The following UNC5D variants were observed in gnomAD, a reference collection of about 807,000 sequenced individuals.
The protein encoded by UNC5D is unc-5 netrin receptor D, also known as netrin receptor UNC5D.
In UNC5D, 39 loss-of-function variants were observed where a neutral mutation model predicts 105.4. That is an observed-to-expected ratio of 0.37 (90% CI 0.29 to 0.48). The LOEUF is 0.48. UNC5D is among the 20% of genes least tolerant of loss of function. The probability of loss-of-function intolerance (pLI) is 0.98; values close to 1 mark genes in which losing one functional copy is unlikely to be tolerated. For missense variants in UNC5D, 991 were observed against 1,202.4 expected (o/e 0.82, Z 2.60); for synonymous variants, 452 against 450.4 (o/e 1.00, Z -0.04).
intron 13 of UNC5D, 54 bp from the exon 14 acceptor site, chr8:35,759,266 G>A (rs1210905751): frequency 6.3e-7 from 1 of 1,588,446 alleles, no homozygotes; most frequent in Non-Finnish European, 8.6e-7. Flanking sequence ...TAGGAAATAT[G>A]TAAGTAGCAG....
intron 11 of UNC5D, among the ~76,000 whole-genome samples, chr8:35,733,687 T>C (rs1829313023): frequency 1.3e-5 from 2 of 152,158 alleles, no homozygotes; most frequent in African/African-American, 4.8e-5. Flanking sequence ...TGACTATACA[T>C]TTATGTTGCC....
At chr8:35,269,965 A>G (rs149824538) in intron 1 of UNC5D, among the ~76,000 whole-genome samples, 2 of 152,150 alleles carry the variant, frequency 1.3e-5, no homozygotes, top group Admixed American at 6.5e-5. Flanking sequence ...AGTATGAGAG[A>G]TCTTTAGTGG....
chr8:35,423,858 T>G (rs1323925415), intron 1 of UNC5D, among the ~76,000 whole-genome samples: 1 of 151,788 alleles, frequency 6.6e-6, no homozygotes, highest in Non-Finnish European at 1.5e-5. Flanking sequence ...AGTACTTTTT[T>G]TTTTTTTTTT....
chr8:35,721,506 G>A (rs918209733), intron 8 of UNC5D: 17 of 702,726 alleles, frequency 2.4e-5, no homozygotes, highest in African/African-American at 1.0e-4. Context: ...CTAGCAACCC[G>A]TCCTCTTCCA....
At chr8:35,650,303 C>T (rs1025482424) in intron 4 of UNC5D, among the ~76,000 whole-genome samples, 3 of 152,182 alleles carry the variant, frequency 2.0e-5, no homozygotes. Context: ...ATTCTTATTT[C>T]TTCCTCTCTG....
intron 1 of UNC5D, among the ~76,000 whole-genome samples, chr8:35,436,514 C>A (rs551493479): frequency 6.6e-6 from 1 of 152,126 alleles, no homozygotes; most frequent in South Asian, 2.1e-4. Flanking sequence ...CACTCAAAAA[C>A]TGCTCTTGAG....
chr8:35,484,748 G>C (rs1416619942), intron 1 of UNC5D, among the ~76,000 whole-genome samples: 1 of 152,118 alleles, frequency 6.6e-6, no homozygotes, highest in Non-Finnish European at 1.5e-5. Context: ...AAAATGAATT[G>C]AATGCATACT....
chr8:35,341,069 T>C (rs974854576), intron 1 of UNC5D, among the ~76,000 whole-genome samples: 2 of 152,112 alleles, frequency 1.3e-5, no homozygotes, highest in African/African-American at 4.8e-5. Context: ...ATCTATGATA[T>C]TTACCTGCTC....
chr8:35,538,426 T>C (rs1214724641), intron 1 of UNC5D, among the ~76,000 whole-genome samples: 1 of 133,696 alleles, frequency 7.5e-6, no homozygotes, highest in Non-Finnish European at 1.6e-5. Flanking sequence ...TATATATATA[T>C]ATATATATAT....
chr8:35,686,146 CTGT>C (rs1825997023), intron 6 of UNC5D, among the ~76,000 whole-genome samples: 1 of 152,104 alleles, frequency 6.6e-6, no homozygotes, highest in Admixed American at 6.5e-5. Context: ...TCATTATACT[CTGT>C]TCTAAACTGT....
intron 1 of UNC5D, among the ~76,000 whole-genome samples, chr8:35,424,210 G>A (rs890814106): frequency 6.6e-6 from 1 of 152,134 alleles, no homozygotes; most frequent in African/African-American, 2.4e-5. Flanking sequence ...AGAAAGGCAA[G>A]AGATGATTCA....
At chr8:35,589,329 T>TA (rs1398147400) in intron 3 of UNC5D, among the ~76,000 whole-genome samples, 1 of 151,982 alleles carries the variant, frequency 6.6e-6, no homozygotes, top group Non-Finnish European at 1.5e-5. Context: ...ATTATTAAGT[T>TA]ATTAGCAAGT....
At chr8:35,408,915 C>A (rs1804979534) in intron 1 of UNC5D, among the ~76,000 whole-genome samples, 1 of 152,010 alleles carries the variant, frequency 6.6e-6, no homozygotes, top group Non-Finnish European at 1.5e-5. Context: ...TATTTTATTT[C>A]TCCTAAATCT....
At chr8:35,438,298 G>T (rs867030432) in intron 1 of UNC5D, among the ~76,000 whole-genome samples, 1 of 151,872 alleles carries the variant, frequency 6.6e-6, no homozygotes, top group African/African-American at 2.4e-5. Flanking sequence ...TGTATAATGC[G>T]AATAAGGTTA....
chr8:35,591,853 G>A (rs1188615974), intron 3 of UNC5D, among the ~76,000 whole-genome samples: 1 of 152,074 alleles, frequency 6.6e-6, no homozygotes, highest in East Asian at 1.9e-4. Flanking sequence ...ACTAGTAGAG[G>A]ACATTTCTTA....
intron 1 of UNC5D, among the ~76,000 whole-genome samples, chr8:35,527,818 C>A (rs546537554): frequency 6.6e-6 from 1 of 152,118 alleles, no homozygotes; most frequent in Non-Finnish European, 1.5e-5. Flanking sequence ...AGGCGTGAGC[C>A]ACCACTCTTG....
At chr8:35,623,252 C>T (rs912807955) in intron 4 of UNC5D, among the ~76,000 whole-genome samples, 4 of 152,142 alleles carry the variant, frequency 2.6e-5, no homozygotes, top group African/African-American at 7.2e-5. Flanking sequence ...TCAATACATC[C>T]GGTGTGTCAA....
Position 35,731,005 on chromosome 8 carries a change from G to A in UNC5D, c.1682-7G>A. ...TATGAATAACCTGTTGGCTTTTTCTGTTTTAGGGGTGAGCTTACTCATACC... is the reference window on the plus strand; with the variant it reads ...TATGAATAACCTGTTGGCTTTTTCTATTTTAGGGGTGAGCTTACTCATACC... On this transcript the variant is annotated splice_polypyrimidine_tract_variant and splice_region_variant and intron_variant, in intron 10 of 16. Coordinates refer to ENST00000404895, the MANE Select transcript of UNC5D (RefSeq NM_080872.4). 1 of 1,613,618 alleles carries A rather than the reference G, an allele frequency of 6.2e-7. No homozygotes were observed. Among genetic ancestry groups the A allele is most frequent in the South Asian group, 1.1e-5 (1 of 91,056 alleles).
intron 10 of UNC5D, chr8:35,727,649 C>G (rs1318796460): frequency 6.6e-6 from 1 of 152,110 alleles, no homozygotes; most frequent in Non-Finnish European, 1.5e-5. Context: ...ATCAAAATAG[C>G]CCTCAATGGC....
Sources: gnomAD v4.1 joint callset for allele counts (sites outside exome capture counted in the v4.1 genomes callset) on GRCh38, gnomAD v4.1.1 for gene constraint, MANE v1.5 for transcripts, NCBI Gene and HGNC (gene_info 2026-07-23, HGNC 2026-07-21) for gene names.